The following CDH18 variants were observed in gnomAD, a reference collection of about 807,000 sequenced individuals.
The protein encoded by CDH18 is cadherin 18.
Under a neutral mutation model 67.9 loss-of-function variants are expected in CDH18, and 31 were observed. The observed-to-expected ratio is 0.46, with a 90% confidence interval of 0.34 to 0.62. The LOEUF (loss-of-function observed/expected upper bound fraction) is 0.62, where lower values mean the gene tolerates loss of function less well. Among genes scored for constraint, CDH18 ranks in the 20% least tolerant of loss-of-function variants. The pLI, the probability that CDH18 is intolerant of heterozygous loss-of-function variation, is 0.01. For missense variants in CDH18, 890 were observed against 975.5 expected (o/e 0.91, Z 1.17); for synonymous variants, 362 against 347.2 (o/e 1.04, Z -0.48).
intron 5 of CDH18, among the ~76,000 whole-genome samples, chr5:19,664,733 A>G (rs909365617): frequency 6.6e-6 from 1 of 152,004 alleles, no homozygotes; most frequent in South Asian, 2.1e-4. Context: ...ATGAGATAAA[A>G]TTCTATGCCC....
At chr5:19,916,373 T>C (rs1232379178) in intron 2 of CDH18, among the ~76,000 whole-genome samples, 1 of 152,266 alleles carries the variant, frequency 6.6e-6, no homozygotes, top group Non-Finnish European at 1.5e-5. Flanking sequence ...TTACGCCCTC[T>C]TCTCATCCCA....
intron 2 of CDH18, among the ~76,000 whole-genome samples, chr5:20,138,450 G>A (rs1749938737): frequency 6.6e-6 from 1 of 152,046 alleles, no homozygotes; most frequent in Non-Finnish European, 1.5e-5. Context: ...ACATAGTGTT[G>A]GAAGTTCTGG....
intron 1 of CDH18, among the ~76,000 whole-genome samples, chr5:20,530,920 C>T (rs1464635479): frequency 6.6e-6 from 1 of 151,906 alleles, no homozygotes; most frequent in Non-Finnish European, 1.5e-5. Context: ...TTCTGCACAG[C>T]AAAAGAAACT....
intron 11 of CDH18, among the ~76,000 whole-genome samples, chr5:19,494,627 C>T (rs1741991582): frequency 6.6e-6 from 1 of 152,142 alleles, no homozygotes; most frequent in African/African-American, 2.4e-5. Flanking sequence ...TCAATATGTC[C>T]TAATTCATAA....
At chr5:19,665,114 GA>G (rs1757727948) in intron 5 of CDH18, among the ~76,000 whole-genome samples, 2 of 151,644 alleles carry the variant, frequency 1.3e-5, no homozygotes, top group Non-Finnish European at 2.9e-5. Flanking sequence ...AAAATGTTTA[GA>G]AAAAAATTAT....
At chr5:20,470,095 C>T (rs947898544) in intron 1 of CDH18, among the ~76,000 whole-genome samples, 3 of 152,132 alleles carry the variant, frequency 2.0e-5, no homozygotes, top group Admixed American at 1.3e-4. Flanking sequence ...TTCACTGTCT[C>T]GGGCAGCCCT....
intron 2 of CDH18, among the ~76,000 whole-genome samples, chr5:20,253,855 T>C (rs1744038542): frequency 6.6e-6 from 1 of 152,210 alleles, no homozygotes. Context: ...ATCTCTCTAA[T>C]TTCCCTAGAG....
At chr5:20,557,116 A>G (rs1757948066) in intron 1 of CDH18, among the ~76,000 whole-genome samples, 1 of 152,172 alleles carries the variant, frequency 6.6e-6, no homozygotes, top group South Asian at 2.1e-4. Context: ...TATGTCTGAT[A>G]GTAACAGGTA....
At chr5:19,660,144 C>T (rs868412854) in intron 5 of CDH18, among the ~76,000 whole-genome samples, 1 of 152,004 alleles carries the variant, frequency 6.6e-6, no homozygotes, top group Non-Finnish European at 1.5e-5. Context: ...TTCTATAAGT[C>T]GTTTTAAAAT....
At chr5:19,813,279 T>TA (rs1581467077) in intron 3 of CDH18, among the ~76,000 whole-genome samples, 1 of 151,990 alleles carries the variant, frequency 6.6e-6, no homozygotes, top group South Asian at 2.1e-4. Context: ...ACCCAGAACT[T>TA]AAAGTATAAT....
chr5:20,043,953 A>C (rs1341764470), intron 2 of CDH18, among the ~76,000 whole-genome samples: 1 of 152,236 alleles, frequency 6.6e-6, no homozygotes, highest in African/African-American at 2.4e-5. Context: ...TTCTATCCTT[A>C]CTTCCCAAAC....
intron 2 of CDH18, among the ~76,000 whole-genome samples, chr5:20,078,697 G>A (rs747242357): frequency 6.6e-6 from 1 of 151,692 alleles, no homozygotes; most frequent in Non-Finnish European, 1.5e-5. Context: ...CCGCCTCCTG[G>A]GTTCAAGCGA....
chr5:20,065,097 A>G (rs113175839), intron 2 of CDH18, among the ~76,000 whole-genome samples: 1 of 152,094 alleles, frequency 6.6e-6, no homozygotes, highest in African/African-American at 2.4e-5. Flanking sequence ...AGCTTTCATC[A>G]GAGTGTTAGG....
intron 3 of CDH18, among the ~76,000 whole-genome samples, chr5:19,820,555 A>G (rs1002021989): frequency 6.6e-6 from 1 of 152,198 alleles, no homozygotes; most frequent in African/African-American, 2.4e-5. Context: ...AACTCAGAGG[A>G]CCAAAAGGTC....
At chr5:19,985,641 G>A (rs1799487074) in intron 1 of CDH18, among the ~76,000 whole-genome samples, 1 of 151,818 alleles carries the variant, frequency 6.6e-6, no homozygotes, top group African/African-American at 2.4e-5. Flanking sequence ...CCAAGGTTAA[G>A]AAGGCCTAAT....
intron 3 of CDH18, among the ~76,000 whole-genome samples, chr5:19,752,301 T>G (rs1770955452): frequency 6.6e-6 from 1 of 152,024 alleles, no homozygotes; most frequent in Non-Finnish European, 1.5e-5. Flanking sequence ...CAGCCCTGCT[T>G]GCCCATTGCC....
intron 2 of CDH18, among the ~76,000 whole-genome samples, chr5:19,876,239 A>G (rs1786989450): frequency 6.6e-6 from 1 of 152,158 alleles, no homozygotes; most frequent in South Asian, 2.1e-4. Flanking sequence ...GATCCTGGAC[A>G]ATAACATTTT....
At chr5:19,501,451 A>G (rs1743229170) in intron 11 of CDH18, among the ~76,000 whole-genome samples, 1 of 150,716 alleles carries the variant, frequency 6.6e-6, no homozygotes, top group Non-Finnish European at 1.5e-5. Context: ...GAAAAAAACA[A>G]ACAAACAAGC....
At chr5:20,484,563 T>C (rs1189474936) in intron 1 of CDH18, among the ~76,000 whole-genome samples, 1 of 152,002 alleles carries the variant, frequency 6.6e-6, no homozygotes, top group Non-Finnish European at 1.5e-5. Context: ...ATAAAGAAAA[T>C]ATGCTACATA....
Sources: gnomAD v4.1 joint callset for allele counts (sites outside exome capture counted in the v4.1 genomes callset) on GRCh38, gnomAD v4.1.1 for gene constraint, MANE v1.5 for transcripts, NCBI Gene and HGNC (gene_info 2026-07-23, HGNC 2026-07-21) for gene names.